CDH11: variants seen among roughly 807,000 people sequenced by gnomAD.
CDH11 encodes cadherin 11.
Under a neutral mutation model 67.8 loss-of-function variants are expected in CDH11, and 11 were observed. That is an observed-to-expected ratio of 0.16 (90% confidence interval 0.10 to 0.27). The LOEUF (loss-of-function observed/expected upper bound fraction) is 0.27. Among genes scored for constraint, CDH11 ranks in the 10% least tolerant of loss-of-function variants. The probability of loss-of-function intolerance (pLI) is 1.00; values close to 1 mark genes in which losing one functional copy is unlikely to be tolerated. For synonymous variants in CDH11, 419 were observed against 400.0 expected (o/e 1.05, Z -0.57); for missense variants, 847 against 1,031.2 (o/e 0.82, Z 2.45).
chr16:65,092,375 TCA>T (rs1354239236), intron 1 of CDH11, among the ~76,000 whole-genome samples: 1 of 152,124 alleles, frequency 6.6e-6, no homozygotes, highest in African/African-American at 2.4e-5. Context: ...GACGGCAACC[TCA>T]CAGCCCAGAG....
intron 2 of CDH11, among the ~76,000 whole-genome samples, chr16:65,033,960 G>A (rs1437340923): frequency 5.3e-5 from 8 of 152,106 alleles, no homozygotes; most frequent in African/African-American, 1.7e-4. Context: ...TGCCTTCAAG[G>A]AAATGGGTAA....
At chr16:65,020,715 A>G (rs1268251551) in intron 2 of CDH11, among the ~76,000 whole-genome samples, 2 of 152,190 alleles carry the variant, frequency 1.3e-5, no homozygotes, top group Non-Finnish European at 2.9e-5. Context: ...ATTTTTTCCA[A>G]TAAAGTATTT....
At chr16:64,970,917 G>A (rs2071986368) in intron 11 of CDH11, among the ~76,000 whole-genome samples, 1 of 152,118 alleles carries the variant, frequency 6.6e-6, no homozygotes, top group Non-Finnish European at 1.5e-5. Context: ...ATCTTTCCTG[G>A]CTCTGCTACC....
At chr16:64,985,486 C>A (rs963194821) in intron 7 of CDH11, 9 of 151,888 alleles carry the variant, frequency 5.9e-5, no homozygotes, top group African/African-American at 2.2e-4. Flanking sequence ...ACTAGCCCAT[C>A]ATGAGTTATT....
At position 64,998,584 on chromosome 16, in the gene CDH11, G is replaced by A. The variant is rs753205734; in HGVS notation, c.501C>T (p.Asn167=). 24 of 1,614,016 alleles carry A rather than the reference G, an allele frequency of 1.5e-5. No individual in the cohort carries two copies. Among genetic ancestry groups the A allele is most frequent in the African/African-American group, 2.7e-5 (2 of 74,918 alleles). The change falls in exon 4 of 13, where the codon AAC becomes AAT. Residue 167 remains asparagine (N), a synonymous_variant. Coordinates refer to ENST00000268603, the MANE Select transcript of CDH11 (RefSeq NM_001797.4). The part of the protein sequence containing the change: ...PEFLHETYHA[N]VPERSNVGTS... The stretch of plus-strand genomic sequence containing the variant: ...CACCCACATTGGACCTCTCAGGCAC[G>A]TTGGCATGATAGGTCTCGTGCAGGA...
At chr16:65,069,559 T>C (rs2074379130) in intron 1 of CDH11, among the ~76,000 whole-genome samples, 1 of 152,108 alleles carries the variant, frequency 6.6e-6, no homozygotes, top group South Asian at 2.1e-4. Context: ...TACCTGAGCA[T>C]CCTCTTTTTT....
At chr16:64,993,765 C>T (rs2142497940) in intron 4 of CDH11, among the ~76,000 whole-genome samples, 1 of 152,182 alleles carries the variant, frequency 6.6e-6, no homozygotes, top group Middle Eastern at 3.4e-3. Flanking sequence ...CCTGGCTGGT[C>T]ACAAATAGCA....
chr16:64,947,177 A>G lies in CDH11; in HGVS notation c.*426T>C, dbSNP rs1596998000. On this transcript the variant is annotated 3_prime_UTR_variant, in exon 13 of 13. Coordinates refer to ENST00000268603, the MANE Select transcript of CDH11 (RefSeq NM_001797.4). ...TTTCAAGTTTAAAAATGCACTACAT[A>G]TAGAGTGTCCAGAGTTTAAGGCGAA... 2 of 1,068,192 alleles carry G rather than the reference A, an allele frequency of 1.9e-6. No individual in the cohort carries two copies. The highest frequency in any genetic ancestry group is 2.3e-6 in the Non-Finnish European group (2 of 878,996). The allele number at this position is 1,068,192 out of a possible 1,614,324, so 66.2% of individuals were successfully genotyped here. A position where few individuals can be genotyped will look rare whatever the true frequency, so the allele number is the denominator to read the frequency against.
chr16:65,041,441 G>T (rs1242137413), intron 2 of CDH11, among the ~76,000 whole-genome samples: 2 of 151,870 alleles, frequency 1.3e-5, no homozygotes, highest in African/African-American at 4.8e-5. Context: ...TTAATGAACT[G>T]TCCAGTCGAG....
intron 6 of CDH11, among the ~76,000 whole-genome samples, chr16:64,990,551 G>A (rs1486484558): frequency 6.6e-6 from 1 of 152,162 alleles, no homozygotes; most frequent in Non-Finnish European, 1.5e-5. Context: ...ATACACATCT[G>A]TACATACATA....
chr16:64,972,029 T>C lies in CDH11; in HGVS notation c.1426A>G (p.Ile476Val). Residue 476 changes from isoleucine (I) to valine (V), a missense_variant, in exon 10 of 13, where the codon ATT becomes GTT. Coordinates refer to ENST00000268603, the MANE Select transcript of CDH11 (RefSeq NM_001797.4). ...RHQEAKVPVA[I>V]RVLDVNDNAP... The stretch of plus-strand genomic sequence containing the variant: ...TTATCGTTGACATCAAGGACCCTAA[T>C]GGCCACTGGGACTTTGGCTTCCTGA... 1 of 1,613,620 alleles carries C rather than the reference T, an allele frequency of 6.2e-7. No homozygotes were observed. The highest frequency in any genetic ancestry group is 1.1e-5 in the South Asian group (1 of 91,066).
chr16:65,077,395 A>C (rs192951212), intron 1 of CDH11, among the ~76,000 whole-genome samples: 139 of 152,340 alleles, frequency 9.1e-4, no homozygotes, highest in African/African-American at 3.2e-3. Flanking sequence ...CTGCGTAAAA[A>C]CAAATCTTAT....
intron 1 of CDH11, among the ~76,000 whole-genome samples, chr16:65,117,328 AT>A (rs771191828): frequency 4.6e-5 from 7 of 152,182 alleles, no homozygotes; most frequent in Non-Finnish European, 8.8e-5. Context: ...AACAGTACTT[AT>A]TTCTTTAATG....
At chr16:65,029,072 T>C (rs879304755) in intron 2 of CDH11, among the ~76,000 whole-genome samples, 2 of 152,182 alleles carry the variant, frequency 1.3e-5, no homozygotes, top group Non-Finnish European at 2.9e-5. Context: ...ATATCAAGAA[T>C]TTGATCTCAT....
intron 12 of CDH11, 107 bp downstream of exon 12, chr16:64,950,660 G>T: frequency 1.7e-6 from 2 of 1,150,470 alleles, no homozygotes; most frequent in Non-Finnish European, 2.3e-6. Context: ...TGTGTCGACA[G>T]TCATAACAGG....
intron 1 of CDH11, among the ~76,000 whole-genome samples, chr16:65,100,312 C>A (rs1190846636): frequency 6.6e-6 from 1 of 150,944 alleles, no homozygotes; most frequent in Non-Finnish European, 1.5e-5. Flanking sequence ...TCTGAGGCAA[C>A]AAATGTAATA....
chr16:64,993,180 A>C (rs551584730), intron 4 of CDH11, 146 bp from the exon 5 acceptor site: 2 of 600,580 alleles, frequency 3.3e-6, no homozygotes. Flanking sequence ...TGAGATGCAA[A>C]ATAACCAGCC....
At chr16:64,960,763 T>G (rs566192768) in intron 11 of CDH11, among the ~76,000 whole-genome samples, 1 of 152,106 alleles carries the variant, frequency 6.6e-6, no homozygotes, top group African/African-American at 2.4e-5. Flanking sequence ...AAGCATGGAA[T>G]GTCTTGCTCA....
intron 2 of CDH11, among the ~76,000 whole-genome samples, chr16:65,051,491 C>T (rs2142710982): frequency 6.6e-6 from 1 of 152,222 alleles, no homozygotes; most frequent in Non-Finnish European, 1.5e-5. Context: ...TTAGACTTCC[C>T]ATAAATACAA....
Sources: allele counts gnomAD v4.1 joint callset (sites outside exome capture counted in the v4.1 genomes callset), GRCh38; gene constraint gnomAD v4.1.1; transcripts MANE v1.5; gene names NCBI Gene and HGNC (gene_info 2026-07-23, HGNC 2026-07-21).